Variants in SYNE3 observed in about 807,000 individuals in gnomAD.
The protein encoded by SYNE3 is nesprin-3.
In SYNE3, 100 loss-of-function variants were observed where a neutral mutation model predicts 111.2. That is an observed-to-expected ratio of 0.90 (90% CI 0.77 to 1.06). The LOEUF (loss-of-function observed/expected upper bound fraction) is 1.06. Among genes scored for constraint, SYNE3 ranks in the 50% least tolerant of loss-of-function variants. The pLI, the probability that SYNE3 is intolerant of heterozygous loss-of-function variation, is 0.00. For synonymous variants in SYNE3, 547 were observed against 533.9 expected, an observed-to-expected ratio of 1.02 and a Z score of -0.34; for missense variants, 1,160 against 1,240.3, an observed-to-expected ratio of 0.94 and a Z score of 0.97.
At chr14:95,469,241 G>T (rs1888375740) in intron 2 of SYNE3, among the ~76,000 whole-genome samples, 1 of 152,050 alleles carries the variant, frequency 6.6e-6, no homozygotes, top group African/African-American at 2.4e-5. Context: ...CTTCCCCATG[G>T]CTGGGGTGAA....
intron 1 of SYNE3, among the ~76,000 whole-genome samples, chr14:95,511,576 AT>A (rs1890722544): frequency 6.6e-6 from 1 of 151,930 alleles, no homozygotes; most frequent in Non-Finnish European, 1.5e-5. Context: ...TTAGCTGGGC[AT>A]GGTGGCATGC....
intron 2 of SYNE3, among the ~76,000 whole-genome samples, chr14:95,475,183 T>C (rs1010011322): frequency 1.3e-5 from 2 of 152,156 alleles, no homozygotes; most frequent in Non-Finnish European, 2.9e-5. Flanking sequence ...CCAGGTGGGG[T>C]GGGTAAAGCC....
At chr14:95,505,149 G>A (rs575467552) in intron 1 of SYNE3, among the ~76,000 whole-genome samples, 4 of 152,362 alleles carry the variant, frequency 2.6e-5, no homozygotes, top group East Asian at 1.9e-4. Context: ...TGAAGGAGCC[G>A]GGCTCCTGTG....
intron 1 of SYNE3, among the ~76,000 whole-genome samples, chr14:95,493,998 G>C (rs1051079034): frequency 3.1e-4 from 47 of 152,154 alleles, no homozygotes; most frequent in African/African-American, 1.1e-3. Flanking sequence ...TCCAGAGATA[G>C]TAGCTGGGAG....
intron 15 of SYNE3, 79 bp from the exon 16 acceptor site, chr14:95,433,488 C>T: frequency 6.4e-7 from 1 of 1,562,558 alleles, no homozygotes. Context: ...ATGGGTCCAT[C>T]AAATTTCACT....
intron 1 of SYNE3, among the ~76,000 whole-genome samples, chr14:95,487,703 C>T (rs1297947803): frequency 1.3e-5 from 2 of 152,190 alleles, no homozygotes; most frequent in Non-Finnish European, 2.9e-5. Flanking sequence ...TAATTCCCAC[C>T]TCCCACCTAC....
chr14:95,449,752 G>A, intron 8 of SYNE3, 179 bp downstream of exon 8: 1 of 960,136 alleles, frequency 1.0e-6, no homozygotes, highest in Non-Finnish European at 1.2e-6. Context: ...ACCTTTGTCA[G>A]TGTAACAAGC....
At chr14:95,433,432 G>C (rs200719423) in intron 15 of SYNE3, 23 bp from the exon 16 acceptor site, 13 of 1,612,482 alleles carry the variant, frequency 8.1e-6, no homozygotes, top group South Asian at 1.1e-5. Flanking sequence ...GCAGCGTCAT[G>C]GTGCGGCTTC....
intron 4 of SYNE3, among the ~76,000 whole-genome samples, chr14:95,462,032 C>G (rs796824728): frequency 2.6e-5 from 4 of 152,192 alleles, no homozygotes; most frequent in African/African-American, 7.2e-5. Context: ...TGGCCAAGGG[C>G]GATGGAGAAG....
chr14:95,428,228 C>G (rs1885547004), intron 17 of SYNE3, among the ~76,000 whole-genome samples: 1 of 152,126 alleles, frequency 6.6e-6, no homozygotes, highest in Non-Finnish European at 1.5e-5. Context: ...ACCACACAGG[C>G]TGGAGCTCCC....
intron 14 of SYNE3, among the ~76,000 whole-genome samples, chr14:95,437,340 C>G (rs1886147879): frequency 2.0e-5 from 3 of 152,238 alleles, no homozygotes; most frequent in Admixed American, 6.5e-5. Context: ...TGGTTATCCA[C>G]ATTGGTGCCT....
chr14:95,514,722 C>G (rs1165622371), intron 1 of SYNE3, among the ~76,000 whole-genome samples: 1 of 152,240 alleles, frequency 6.6e-6, no homozygotes, highest in South Asian at 2.1e-4. Context: ...TGGACTCAGG[C>G]AATCCAACTT....
chr14:95,482,758 C>G (rs1177939458), intron 1 of SYNE3, among the ~76,000 whole-genome samples: 1 of 152,128 alleles, frequency 6.6e-6, no homozygotes, highest in African/African-American at 2.4e-5. Flanking sequence ...TCTGCAGGTG[C>G]CTGACTGTAT....
intron 1 of SYNE3, among the ~76,000 whole-genome samples, chr14:95,491,953 C>T (rs372794378): frequency 2.0e-5 from 3 of 152,264 alleles, no homozygotes; most frequent in East Asian, 3.9e-4. Flanking sequence ...TTTGAATAGA[C>T]ATTTCTTTAA....
At chr14:95,449,416 T>C (rs1886917209) in intron 8 of SYNE3, 1 of 984,812 alleles carries the variant, frequency 1.0e-6, no homozygotes, top group Non-Finnish European at 1.2e-6. Context: ...CGCGGCTCCA[T>C]CCGGAGCCAG....
At chr14:95,455,914 C>T (rs1009131280) in intron 5 of SYNE3, 190 bp from the exon 6 acceptor site, 2 of 560,016 alleles carry the variant, frequency 3.6e-6, no homozygotes, top group Non-Finnish European at 6.3e-6. Flanking sequence ...CCTGAGAACC[C>T]TATTCCTTCC....
chr14:95,457,490 A>C, intron 4 of SYNE3, 152 bp from the exon 5 acceptor site: 1 of 802,364 alleles, frequency 1.2e-6, no homozygotes, highest in South Asian at 1.7e-5. Flanking sequence ...CTAGACACAA[A>C]GAGCTCTCAG....
chr14:95,418,848 C>T (rs1884910555), intron 17 of SYNE3, among the ~76,000 whole-genome samples: 1 of 152,162 alleles, frequency 6.6e-6, no homozygotes, highest in Non-Finnish European at 1.5e-5. Flanking sequence ...GTGATCCACC[C>T]TCCTTGGCCT....
chr14:95,489,103 G>A (rs1490743398), intron 1 of SYNE3, among the ~76,000 whole-genome samples: 1 of 152,224 alleles, frequency 6.6e-6, no homozygotes, highest in African/African-American at 2.4e-5. Context: ...ACAGGGACCT[G>A]CTCCAATTCT....
Sources: gnomAD v4.1 joint callset for allele counts (sites outside exome capture counted in the v4.1 genomes callset) on GRCh38, gnomAD v4.1.1 for gene constraint, MANE v1.5 for transcripts, NCBI Gene and HGNC (gene_info 2026-07-23, HGNC 2026-07-21) for gene names.